Variants in CEP55 observed in about 807,000 individuals in gnomAD.
CEP55 encodes the protein centrosomal protein 55.
Under a neutral mutation model 63.2 loss-of-function variants are expected in CEP55, and 57 were observed. The ratio of observed to expected loss-of-function variants is 0.90; its 90% CI spans 0.73 to 1.13. The LOEUF (loss-of-function observed/expected upper bound fraction) is 1.13. Ranked by LOEUF, CEP55 falls within the 50% of genes most tolerant of loss-of-function variation. The probability of loss-of-function intolerance (pLI) is 0.00; values close to 1 mark genes in which losing one functional copy is unlikely to be tolerated. For synonymous variants in CEP55, 178 were observed against 191.6 expected, an observed-to-expected ratio of 0.93 and a Z score of 0.59; for missense variants, 456 against 518.9, an observed-to-expected ratio of 0.88 and a Z score of 1.18.
chr10:93,496,626 G>T lies in CEP55; in HGVS notation c.-310G>T, dbSNP rs1459068807. 6.6e-6 allele frequency: 1 copy of T among 152,346 alleles called. No homozygotes were observed. Among genetic ancestry groups the T allele is most frequent in the South Asian group, 2.1e-4 (1 of 4,836 alleles). 9.4% of individuals were successfully genotyped at this position (152,346 alleles called of 1,614,324 possible). A position where few individuals can be genotyped will look rare whatever the true frequency, so the allele number is the denominator to read the frequency against. ...CCGCGGGATTCAAACTCCCGGAAGCGGCATCCACACCTGATGGTGTGACTC... is the reference window on the plus strand; with the variant it reads ...CCGCGGGATTCAAACTCCCGGAAGCTGCATCCACACCTGATGGTGTGACTC... On this transcript the variant is annotated 5_prime_UTR_variant, in exon 1 of 9. Transcript: ENST00000371485.
At chr10:93,515,024 C>T (rs556291076) in intron 4 of CEP55, among the ~76,000 whole-genome samples, 3 of 152,298 alleles carry the variant, frequency 2.0e-5, no homozygotes, top group African/African-American at 4.8e-5. Context: ...CCACCACCCT[C>T]GGCCTCTCAA....
At chr10:93,500,331 G>C (rs1046957278) in intron 2 of CEP55, 97 bp downstream of exon 2, 7 of 1,014,150 alleles carry the variant, frequency 6.9e-6, no homozygotes, top group Non-Finnish European at 8.9e-6. Context: ...CGTGTTCCCT[G>C]TCTTGTCCAG....
At chr10:93,508,032 C>T (rs541658819) in intron 4 of CEP55, among the ~76,000 whole-genome samples, 1 of 152,182 alleles carries the variant, frequency 6.6e-6, no homozygotes, top group Non-Finnish European at 1.5e-5. Flanking sequence ...GGTTTGAATA[C>T]TTCTCTTGAA....
intron 4 of CEP55, among the ~76,000 whole-genome samples, chr10:93,514,683 A>G (rs2057784553): frequency 6.6e-6 from 1 of 152,264 alleles, no homozygotes; most frequent in Non-Finnish European, 1.5e-5. Context: ...TCAGCTCAAA[A>G]GCTGACAGGG....
chr10:93,500,124 A>G lies in CEP55; in HGVS notation c.73A>G (p.Thr25Ala). ...GSKPSNSKSE[T>A]TLEKLKGEIA... ...GAAGCCTAGTAACTCCAAATCCGAA[A>G]CTACATTAGAAAAATTAAAGGGAGA... Residue 25 changes from threonine (T) to alanine (A), a missense_variant, in exon 2 of 9, where the codon ACT becomes GCT. Thr to Ala is a moderately conservative substitution (Grantham distance 58). Coordinates refer to ENST00000371485, the MANE Select transcript of CEP55 (RefSeq NM_018131.5). 6.2e-7 allele frequency: 1 copy of G among 1,613,756 alleles called. No individual in the cohort carries two copies. Among genetic ancestry groups the G allele is most frequent in the Non-Finnish European group, 8.5e-7 (1 of 1,179,770 alleles).
At chr10:93,525,519 A>C (rs2057912312) in intron 8 of CEP55, among the ~76,000 whole-genome samples, 1 of 152,190 alleles carries the variant, frequency 6.6e-6, no homozygotes, top group South Asian at 2.1e-4. Flanking sequence ...GCCCAAGGTA[A>C]TTTATAGATT....
At chr10:93,510,258 G>T (rs983902831) in intron 4 of CEP55, among the ~76,000 whole-genome samples, 1 of 152,132 alleles carries the variant, frequency 6.6e-6, no homozygotes, top group Non-Finnish European at 1.5e-5. Flanking sequence ...TTTAATAGGC[G>T]TTTCTTGCTC....
chr10:93,526,325 A>G (rs960602976), intron 8 of CEP55, among the ~76,000 whole-genome samples: 33 of 152,378 alleles, frequency 2.2e-4, no homozygotes, highest in Middle Eastern at 3.4e-3. Context: ...CAAAAGACAC[A>G]TGAAAAAAAT....
chr10:93,522,157 C>T (rs987889114), intron 8 of CEP55, among the ~76,000 whole-genome samples: 21 of 152,276 alleles, frequency 1.4e-4, no homozygotes, highest in African/African-American at 4.1e-4. Flanking sequence ...GGAGGAAGTT[C>T]GAACCCGTGG....
intron 8 of CEP55, among the ~76,000 whole-genome samples, chr10:93,525,618 C>T (rs1302630384): frequency 4.6e-5 from 7 of 151,370 alleles, no homozygotes; most frequent in African/African-American, 1.5e-4. Context: ...AAAAAGAGCC[C>T]GCATCGCCAA....
rs144155959 is a variant in CEP55, at chr10:93,518,099, G to A, written c.994-778G>A. 1.8e-3 allele frequency among the ~76,000 whole-genome samples: 269 copies of A among 152,214 alleles called. 2 individuals are homozygous for A. The highest frequency in any genetic ancestry group is 3.4e-3 in the Non-Finnish European group (228 of 68,016). On this transcript the variant is annotated intron_variant, in intron 6 of 8. Coordinates refer to ENST00000371485, the MANE Select transcript of CEP55 (RefSeq NM_018131.5). ...AGTCCTACAAAAGTTGAGGGTGCTG[G>A]TGATGGGACAGTAACAAGTCCATCT...
intron 5 of CEP55, among the ~76,000 whole-genome samples, chr10:93,515,931 A>G (rs561624747): frequency 2.0e-4 from 31 of 152,238 alleles, no homozygotes; most frequent in African/African-American, 7.5e-4. Context: ...CAGGAGAAAG[A>G]ATGCCTTTTT....
At chr10:93,518,590 AG>A (rs1371207996) in intron 6 of CEP55, among the ~76,000 whole-genome samples, 1 of 152,206 alleles carries the variant, frequency 6.6e-6, no homozygotes, top group African/African-American at 2.4e-5. Flanking sequence ...TATCCTACTC[AG>A]AAGTGTCAGA....
At chr10:93,501,621 C>T (rs949824650) in intron 2 of CEP55, among the ~76,000 whole-genome samples, 7 of 151,722 alleles carry the variant, frequency 4.6e-5, no homozygotes, top group East Asian at 1.9e-4. Context: ...GAGCCAAGAT[C>T]GCACCACTGC....
At position 93,519,860 on chromosome 10, in the gene CEP55, C is replaced by T. The variant is rs763764143; in HGVS notation, c.1191+53C>T. Reference sequence around the variant, plus strand: ...TTGTCTTCGTCTTCCATTTATATACCAAATCAGTTCCGAACTTAGGAGGAT... The same window carrying T: ...TTGTCTTCGTCTTCCATTTATATACTAAATCAGTTCCGAACTTAGGAGGAT... On this transcript the variant is annotated intron_variant, in intron 8 of 8. Transcript: ENST00000371485. 5.1e-5 allele frequency: 82 copies of T among 1,593,526 alleles called. No individual in the cohort carries two copies. The Middle Eastern group carries it at 7.0e-4, about 14-fold the overall frequency.
chr10:93,526,122 A>G (rs2057919097), intron 8 of CEP55, among the ~76,000 whole-genome samples: 1 of 152,216 alleles, frequency 6.6e-6, no homozygotes, highest in Non-Finnish European at 1.5e-5. Context: ...CTGCACAGCA[A>G]AAGAAACTAC....
chr10:93,523,464 A>C (rs1439522281), intron 8 of CEP55, among the ~76,000 whole-genome samples: 1 of 152,154 alleles, frequency 6.6e-6, no homozygotes, highest in Non-Finnish European at 1.5e-5. Context: ...CTAAAAAGAG[A>C]CTTAGACTCC....
chr10:93,516,375 G>A (rs1210084615), intron 5 of CEP55, among the ~76,000 whole-genome samples: 1 of 152,092 alleles, frequency 6.6e-6, no homozygotes, highest in Non-Finnish European at 1.5e-5. Context: ...GCACTAAGTT[G>A]CTTCTATAAA....
Position 93,503,270 on chromosome 10 carries a change from G to A in CEP55, c.341G>A (p.Arg114Lys). 6.2e-7 allele frequency: 1 copy of A among 1,613,848 alleles called. No homozygotes were observed. The highest frequency in any genetic ancestry group is 8.5e-7 in the Non-Finnish European group (1 of 1,179,748). Residue 114 changes from arginine (R) to lysine (K), a missense_variant, in exon 3 of 9, where the codon AGG becomes AAG. Physicochemically the swap from Arg to Lys is conservative, Grantham distance 26. Coordinates refer to ENST00000371485, the MANE Select transcript of CEP55 (RefSeq NM_018131.5). Reference protein sequence around the residue: ...LEETTREGERREQVLKALSEE... With the variant: ...LEETTREGERKEQVLKALSEE... ...GAGACAACGAGAGAAGGAGAAAGGA[G>A]GGAGCAGGTGTTGAAAGCCTTATCT...
Sources: gnomAD v4.1 joint callset for allele counts (sites outside exome capture counted in the v4.1 genomes callset) on GRCh38, gnomAD v4.1.1 for gene constraint, MANE v1.5 for transcripts, NCBI Gene and HGNC (gene_info 2026-07-23, HGNC 2026-07-21) for gene names.